The following SCFD2 variants were observed in gnomAD, a reference collection of about 807,000 sequenced individuals.
The protein encoded by SCFD2 is sec1 family domain containing 2.
SCFD2 carries 54 observed loss-of-function variants against 58.9 expected under a neutral mutation model. That is an observed-to-expected ratio of 0.92 (90% CI 0.74 to 1.15). The LOEUF (loss-of-function observed/expected upper bound fraction) is 1.15. Ranked by LOEUF, SCFD2 falls within the 50% of genes most tolerant of loss-of-function variation. SCFD2 has a pLI of 0.00. For synonymous variants in SCFD2, 321 were observed against 335.9 expected (o/e 0.96, Z 0.49); for missense variants, 805 against 836.6 (o/e 0.96, Z 0.47).
At chr4:53,349,035 A>C (rs1734139809) in intron 2 of SCFD2, among the ~76,000 whole-genome samples, 1 of 152,146 alleles carries the variant, frequency 6.6e-6, no homozygotes. Context: ...CTCATAATCT[A>C]TGATAACACT....
intron 4 of SCFD2, among the ~76,000 whole-genome samples, chr4:53,242,983 T>C (rs1193558053): frequency 1.3e-5 from 2 of 152,164 alleles, no homozygotes; most frequent in African/African-American, 2.4e-5. Context: ...TATGGAACTA[T>C]GTAAAGAGAC....
At chr4:53,254,055 A>C (rs1473252131) in intron 4 of SCFD2, among the ~76,000 whole-genome samples, 3 of 152,126 alleles carry the variant, frequency 2.0e-5, no homozygotes, top group Non-Finnish European at 2.9e-5. Flanking sequence ...GAACACATGG[A>C]CAAATAGAGG....
chr4:53,064,535 A>C (rs1406436647), intron 5 of SCFD2, among the ~76,000 whole-genome samples: 1 of 152,094 alleles, frequency 6.6e-6, no homozygotes, highest in Non-Finnish European at 1.5e-5. Context: ...TTTCAATACC[A>C]ATCTCTTGGA....
chr4:52,947,061 T>C (rs977666350), intron 5 of SCFD2, among the ~76,000 whole-genome samples: 11 of 152,158 alleles, frequency 7.2e-5, no homozygotes, highest in African/African-American at 2.7e-4. Flanking sequence ...AGAGCTGAGT[T>C]GGCTCCTGCA....
intron 4 of SCFD2, among the ~76,000 whole-genome samples, chr4:53,173,077 T>C (rs1193726058): frequency 6.6e-6 from 1 of 152,224 alleles, no homozygotes; most frequent in East Asian, 1.9e-4. Flanking sequence ...TTGTTGAATC[T>C]ACCTTTTTAT....
intron 5 of SCFD2, among the ~76,000 whole-genome samples, chr4:52,926,491 G>A (rs548900290): frequency 2.6e-4 from 39 of 152,132 alleles, no homozygotes; most frequent in Non-Finnish European, 4.6e-4. Context: ...GTAGGAGGGC[G>A]TAGCTAGAGT....
At chr4:53,118,378 C>A (rs1354859163) in intron 5 of SCFD2, among the ~76,000 whole-genome samples, 1 of 152,052 alleles carries the variant, frequency 6.6e-6, no homozygotes, top group Non-Finnish European at 1.5e-5. Flanking sequence ...ATTTCTCCGT[C>A]TTTGAGTAGT....
chr4:53,081,109 T>C (rs1407756558), intron 5 of SCFD2, among the ~76,000 whole-genome samples: 1 of 152,180 alleles, frequency 6.6e-6, no homozygotes, highest in East Asian at 1.9e-4. Flanking sequence ...ATTAAATCTA[T>C]ACTTGAGCAC....
At chr4:53,305,131 T>A (rs1732471710) in intron 3 of SCFD2, among the ~76,000 whole-genome samples, 1 of 152,168 alleles carries the variant, frequency 6.6e-6, no homozygotes. Flanking sequence ...ATATCCTTTT[T>A]AAAGGCTGAA....
chr4:53,251,348 A>G (rs1349385007), intron 4 of SCFD2, among the ~76,000 whole-genome samples: 1 of 152,154 alleles, frequency 6.6e-6, no homozygotes, highest in East Asian at 1.9e-4. Flanking sequence ...ATTCCAATCA[A>G]TAGAAAAAGA....
intron 5 of SCFD2, among the ~76,000 whole-genome samples, chr4:52,968,703 A>T (rs1721021980): frequency 2.0e-5 from 3 of 151,856 alleles, no homozygotes; most frequent in African/African-American, 7.3e-5. Flanking sequence ...TATGAGGGGG[A>T]TGCTGTTGGT....
At chr4:53,125,963 T>C (rs1725615085) in intron 5 of SCFD2, among the ~76,000 whole-genome samples, 1 of 152,174 alleles carries the variant, frequency 6.6e-6, no homozygotes, top group Non-Finnish European at 1.5e-5. Context: ...AAGGAACATT[T>C]GCAAAGAGGC....
rs200710824 is a variant in SCFD2, at chr4:53,135,004, GA to G, written c.1561+10328del. On this transcript the variant is annotated intron_variant, in intron 5 of 8. Transcript: ENST00000401642. ...AATGGTAACTTTATAGAATCTATTT[GA>G]AAAAAAAACCAAAAAACTATTCTAC... is the stretch of plus-strand genomic sequence containing the variant. Among the ~76,000 whole-genome samples, 25 of 147,200 alleles carry G rather than the reference GA, an allele frequency of 1.7e-4. No homozygotes were observed. The East Asian group carries it at 3.0e-3, about 17-fold the overall frequency.
intron 5 of SCFD2, among the ~76,000 whole-genome samples, chr4:53,140,657 C>A (rs1312455993): frequency 6.6e-6 from 1 of 151,886 alleles, no homozygotes; most frequent in African/African-American, 2.4e-5. Flanking sequence ...AACATATTAA[C>A]CAGAATATTA....
At chr4:53,139,325 G>A (rs908338899) in intron 5 of SCFD2, among the ~76,000 whole-genome samples, 14 of 151,670 alleles carry the variant, frequency 9.2e-5, no homozygotes, top group Admixed American at 3.3e-4. Context: ...GTCTCTGCCC[G>A]GCCGCCCATC....
At chr4:53,312,954 T>TA (rs1174571037) in intron 3 of SCFD2, among the ~76,000 whole-genome samples, 1 of 152,184 alleles carries the variant, frequency 6.6e-6, no homozygotes, top group East Asian at 1.9e-4. Context: ...ACAAAAAAAT[T>TA]AAAAGCCAAA....
At chr4:53,271,757 C>CCA (rs1731176265) in intron 4 of SCFD2, among the ~76,000 whole-genome samples, 1 of 152,114 alleles carries the variant, frequency 6.6e-6, no homozygotes, top group South Asian at 2.1e-4. Context: ...GCCACTGCAC[C>CCA]CAGCCCATCA....
Position 52,972,234 on chromosome 4 carries a change from G to A in SCFD2, c.1562-51364C>T, listed in dbSNP as rs906829932. Among the ~76,000 whole-genome samples the A allele has an allele frequency of 1.6e-4, 24 of 152,164 alleles. 1 individual carries two copies. Among genetic ancestry groups the A allele is most frequent in the Non-Finnish European group, 8.8e-5 (6 of 68,032 alleles). ...GGCACAGACTGGCAAATCGGATAAA[G>A]AGTCAAGACCCATCAGTGTGCTGTA... On this transcript the variant is annotated intron_variant, in intron 5 of 8. Coordinates refer to ENST00000401642, the MANE Select transcript of SCFD2 (RefSeq NM_152540.4).
chr4:53,235,177 T>G (rs144682161), intron 4 of SCFD2, among the ~76,000 whole-genome samples: 1 of 152,324 alleles, frequency 6.6e-6, no homozygotes, highest in Non-Finnish European at 1.5e-5. Context: ...CAGAACCTGG[T>G]CTCATCTAGT....
Sources: gnomAD v4.1 joint callset for allele counts (sites outside exome capture counted in the v4.1 genomes callset) on GRCh38, gnomAD v4.1.1 for gene constraint, MANE v1.5 for transcripts, NCBI Gene and HGNC (gene_info 2026-07-23, HGNC 2026-07-21) for gene names.